NEK6: variants seen among roughly 807,000 people sequenced by gnomAD.
NEK6 encodes the protein NIMA related kinase 6, also known as serine/threonine-protein kinase Nek6.
NEK6 carries 27 observed loss-of-function variants against 43.5 expected under a neutral mutation model. That is an observed-to-expected ratio of 0.62 (90% CI 0.46 to 0.86). NEK6 has a LOEUF of 0.86. Among genes scored for constraint, NEK6 ranks in the 40% least tolerant of loss-of-function variants. The probability of loss-of-function intolerance (pLI) is 0.00; values close to 1 mark genes in which losing one functional copy is unlikely to be tolerated. For synonymous variants in NEK6, 167 were observed against 164.1 expected, an observed-to-expected ratio of 1.02 and a Z score of -0.14; for missense variants, 318 against 414.4, an observed-to-expected ratio of 0.77 and a Z score of 2.02.
chr9:124,272,958 C>G (rs191094580), intron 1 of NEK6, among the ~76,000 whole-genome samples: 2 of 152,126 alleles, frequency 1.3e-5, no homozygotes. Flanking sequence ...AGCAGAAAAA[C>G]CAAAGATTCT....
At chr9:124,339,734 G>C in intron 8 of NEK6, 69 bp downstream of exon 8, 2 of 1,149,012 alleles carry the variant, frequency 1.7e-6, no homozygotes, top group Non-Finnish European at 2.6e-6. Context: ...TTAGGACAGG[G>C]CTCACCCTAC....
At chr9:124,277,010 A>G (rs939381158) in intron 1 of NEK6, among the ~76,000 whole-genome samples, 42 of 152,150 alleles carry the variant, frequency 2.8e-4, no homozygotes, top group African/African-American at 1.0e-3. Flanking sequence ...TCTTAGGAAT[A>G]TGTGTCTGGT....
intron 1 of NEK6, among the ~76,000 whole-genome samples, chr9:124,263,597 CCAAGGACCCACCCAGGG>C: frequency 6.6e-6 from 1 of 152,218 alleles, no homozygotes; most frequent in Non-Finnish European, 1.5e-5. Flanking sequence ...TCTTTAATGA[CCAAGGACCCACCCAGGG>C]TCACTCAGCC....
At position 124,324,990 on chromosome 9, in the gene NEK6, C is replaced by T. The variant is rs553589015; in HGVS notation, c.406-1340C>T. Reference sequence around the variant, plus strand: ...AGGAGTTCGAGACCAGCCTGGCTAACGTGGTGAAACCCCATCTCTACTAAA... The same window carrying T: ...AGGAGTTCGAGACCAGCCTGGCTAATGTGGTGAAACCCCATCTCTACTAAA... On this transcript the variant is annotated intron_variant, in intron 5 of 9. Coordinates refer to ENST00000320246, the MANE Select transcript of NEK6 (RefSeq NM_014397.6). This position sits in a 1 kb window ranked among gnomAD's most constrained non-coding sequence, Gnocchi z 5.3. Among the ~76,000 whole-genome samples, 26 of 152,210 alleles carry T rather than the reference C, an allele frequency of 1.7e-4. No homozygotes were observed. Among genetic ancestry groups the T allele is most frequent in the Non-Finnish European group, 2.9e-4 (20 of 67,994 alleles).
At chr9:124,328,321 G>C (rs1156592031) in intron 7 of NEK6, among the ~76,000 whole-genome samples, 1 of 152,138 alleles carries the variant, frequency 6.6e-6, no homozygotes. Flanking sequence ...GTTACTACAA[G>C]GCTGTCTGGG....
chr9:124,272,900 C>T lies in NEK6; in HGVS notation c.-30+14815C>T, dbSNP rs1042742476. ...GCCCGTGGCTTCCAGACCACACTATCGGAACCACTCTGCCCTAGTGTGAAT... is the reference window on the plus strand; with the variant it reads ...GCCCGTGGCTTCCAGACCACACTATTGGAACCACTCTGCCCTAGTGTGAAT... On this transcript the variant is annotated intron_variant, in intron 1 of 9. Transcript: ENST00000320246. 2.6e-5 allele frequency among the ~76,000 whole-genome samples: 4 copies of T among 152,224 alleles called. No individual in the cohort carries two copies. In the South Asian group the frequency reaches 6.2e-4, roughly 24 times the overall value.
At chr9:124,334,115 C>G (rs1409652585) in intron 7 of NEK6, among the ~76,000 whole-genome samples, 1 of 152,192 alleles carries the variant, frequency 6.6e-6, no homozygotes, top group African/African-American at 2.4e-5. Flanking sequence ...CTGGCTGTTT[C>G]TGAATACTTC....
At chr9:124,289,614 G>A (rs1205586921) in intron 1 of NEK6, among the ~76,000 whole-genome samples, 1 of 152,170 alleles carries the variant, frequency 6.6e-6, no homozygotes, top group Non-Finnish European at 1.5e-5. Flanking sequence ...GCTCAGAAGT[G>A]ATCCAGGGTC....
chr9:124,346,680 C>T (rs1203109472), intron 8 of NEK6, among the ~76,000 whole-genome samples: 1 of 152,156 alleles, frequency 6.6e-6, no homozygotes, highest in Non-Finnish European at 1.5e-5. Flanking sequence ...AGGTGCCACG[C>T]TGGGCTGCTG....
intron 1 of NEK6, among the ~76,000 whole-genome samples, chr9:124,281,566 T>A (rs1215905194): frequency 2.9e-5 from 4 of 139,686 alleles, no homozygotes; most frequent in African/African-American, 1.1e-4. Flanking sequence ...AGTGGTGCGA[T>A]CCCAGCTCAC....
intron 1 of NEK6, chr9:124,293,036 G>T: frequency 6.7e-7 from 1 of 1,484,474 alleles, no homozygotes; most frequent in Non-Finnish European, 9.0e-7. Flanking sequence ...TCATTTCCCA[G>T]GCAGGCAGGG....
At chr9:124,269,483 C>T (rs1012381605) in intron 1 of NEK6, among the ~76,000 whole-genome samples, 1 of 152,038 alleles carries the variant, frequency 6.6e-6, no homozygotes, top group East Asian at 1.9e-4. Flanking sequence ...AAGCAATTCT[C>T]CTGCCGCAGC....
intron 4 of NEK6, among the ~76,000 whole-genome samples, chr9:124,317,188 G>A (rs1217784611): frequency 1.3e-5 from 2 of 152,246 alleles, no homozygotes; most frequent in African/African-American, 4.8e-5. Context: ...GGGCAGCGAT[G>A]TGATGGCCAG....
chr9:124,330,664 T>C (rs746222728), intron 7 of NEK6, among the ~76,000 whole-genome samples: 32 of 151,986 alleles, frequency 2.1e-4, no homozygotes, highest in Non-Finnish European at 4.4e-4. Flanking sequence ...ACCCCTTCCT[T>C]CTTCTTCCTT....
Position 124,339,533 on chromosome 9 carries a change from A to C in NEK6, c.623-38A>C, listed in dbSNP as rs539731170. 5 of 1,477,834 alleles carry C rather than the reference A, an allele frequency of 3.4e-6. No homozygotes were observed. In the African/African-American group the frequency reaches 5.5e-5, roughly 16 times the overall value. 91.5% of individuals were successfully genotyped at this position (1,477,834 alleles called of 1,614,324 possible). On this transcript the variant is annotated intron_variant, in intron 7 of 9. Transcript: ENST00000320246. ...CCTCTGTGCCCTGCCCCTGCCCTAC[A>C]TGGAGCATAAGCAGCCCCGCCCCTT...
intron 2 of NEK6, among the ~76,000 whole-genome samples, chr9:124,309,692 C>T (rs527847741): frequency 3.3e-5 from 5 of 152,366 alleles, no homozygotes; most frequent in Non-Finnish European, 5.9e-5. Context: ...AGGCGTCTAA[C>T]GTACAACACC....
At chr9:124,268,347 T>C (rs1004262398) in intron 1 of NEK6, among the ~76,000 whole-genome samples, 2 of 152,210 alleles carry the variant, frequency 1.3e-5, no homozygotes, top group African/African-American at 4.8e-5. Flanking sequence ...TGTTTGCTGA[T>C]GTACCTGGCC....
At chr9:124,312,916 T>G (rs1279342321) in intron 3 of NEK6, among the ~76,000 whole-genome samples, 3 of 152,186 alleles carry the variant, frequency 2.0e-5, no homozygotes, top group Non-Finnish European at 4.4e-5. Flanking sequence ...AACAGTCCCG[T>G]GGGTGGGGAT....
In NEK6 at chr9:124,281,480, G is replaced by GT. The variant is rs1554845431; in HGVS notation, c.-29-20450dup. On this transcript the variant is annotated intron_variant, in intron 1 of 9. Transcript: ENST00000320246. ...GGCATAGCTACTTTCCATGTCAGCTGTTTTTTCTTTTTTTTTTTTTTTTTT... is the reference window on the plus strand; with the variant it reads ...GGCATAGCTACTTTCCATGTCAGCTGTTTTTTTCTTTTTTTTTTTTTTTTTT... Among the ~76,000 whole-genome samples the GT allele has an allele frequency of 5.0e-4, 57 of 114,808 alleles. No homozygotes were observed. In the East Asian group the frequency reaches 8.4e-3, roughly 17 times the overall value. The allele number at this position is 114,808 out of a possible 152,430, so 75.3% of individuals were successfully genotyped here. A position where few individuals can be genotyped will look rare whatever the true frequency, so the allele number is the denominator to read the frequency against.
Sources: allele counts gnomAD v4.1 joint callset (sites outside exome capture counted in the v4.1 genomes callset), GRCh38; gene constraint gnomAD v4.1.1; non-coding constraint Gnocchi (gnomAD v3.1); transcripts MANE v1.5; gene names NCBI Gene and HGNC (gene_info 2026-07-23, HGNC 2026-07-21).